Variants in CSMD1 observed in about 807,000 individuals in gnomAD.
The protein encoded by CSMD1 is CUB and Sushi multiple domains 1, also known as CUB and sushi domain-containing protein 1.
Under a neutral mutation model 417.5 loss-of-function variants are expected in CSMD1, and 213 were observed. The observed-to-expected ratio is 0.51, with a 90% CI of 0.46 to 0.57. The LOEUF (loss-of-function observed/expected upper bound fraction) is 0.57. Ranked by LOEUF, CSMD1 falls within the 20% of genes least tolerant of loss-of-function variation. The pLI is 0.00. For missense variants in CSMD1, 6,923 were observed against 4,529.7 expected, an observed-to-expected ratio of 1.53 and a Z score of -15.17; for synonymous variants, 2,862 against 1,736.8, an observed-to-expected ratio of 1.65 and a Z score of -16.11.
intron 3 of CSMD1, among the ~76,000 whole-genome samples, chr8:4,298,559 C>A (rs1044151399): frequency 3.3e-5 from 5 of 152,020 alleles, no homozygotes; most frequent in African/African-American, 9.7e-5. Flanking sequence ...TGTACTTGTA[C>A]CCAATGAATT....
rs913199737 is a variant in CSMD1 at position 3,738,470 on chromosome 8, G to A, written c.931+15460C>T. Among the ~76,000 whole-genome samples the A allele has an allele frequency of 1.4e-4, 22 of 152,176 alleles. 1 individual carries two copies. The highest frequency in any genetic ancestry group is 2.1e-4 in the South Asian group (1 of 4,826). Reference sequence around the variant, plus strand: ...AAATGACTTGAAGCTCATATGTGCAGTGAATACATAATTTAAGTTAGAGTT... The same window carrying A: ...AAATGACTTGAAGCTCATATGTGCAATGAATACATAATTTAAGTTAGAGTT... On this transcript the variant is annotated intron_variant, in intron 6 of 69. Transcript: ENST00000635120.
At chr8:4,479,150 T>A (rs1015530984) in intron 2 of CSMD1, among the ~76,000 whole-genome samples, 1 of 152,206 alleles carries the variant, frequency 6.6e-6, no homozygotes, top group African/African-American at 2.4e-5. Context: ...AAGGTTAATT[T>A]ATAAATAAAT....
intron 3 of CSMD1, among the ~76,000 whole-genome samples, chr8:4,096,934 C>CA (rs1801043678): frequency 6.6e-6 from 1 of 152,130 alleles, no homozygotes; most frequent in Admixed American, 6.5e-5. Context: ...GCAAACACCC[C>CA]AAAAACAAAC....
intron 3 of CSMD1, among the ~76,000 whole-genome samples, chr8:4,069,662 T>A (rs1034178930): frequency 6.6e-6 from 1 of 152,170 alleles, no homozygotes; most frequent in Non-Finnish European, 1.5e-5. Context: ...CCATGGCTCC[T>A]GTTTCTCCGA....
At chr8:3,930,239 C>G (rs1327656704) in intron 5 of CSMD1, among the ~76,000 whole-genome samples, 4 of 150,330 alleles carry the variant, frequency 2.7e-5, no homozygotes, top group Non-Finnish European at 4.4e-5. Flanking sequence ...GGTCCTTCTT[C>G]AAAGACTTTC....
intron 51 of CSMD1, among the ~76,000 whole-genome samples, chr8:3,028,164 T>A (rs1055729869): frequency 6.6e-6 from 1 of 152,178 alleles, no homozygotes; most frequent in Non-Finnish European, 1.5e-5. Flanking sequence ...GTTTTTAAGA[T>A]CCTATTTCTG....
chr8:4,224,114 A>G (rs1801204542), intron 3 of CSMD1, among the ~76,000 whole-genome samples: 1 of 152,146 alleles, frequency 6.6e-6, no homozygotes, highest in Non-Finnish European at 1.5e-5. Context: ...GCTAAGAGTA[A>G]CTGAACATAC....
At chr8:3,342,756 G>A (rs776498363) in intron 23 of CSMD1, among the ~76,000 whole-genome samples, 7 of 152,070 alleles carry the variant, frequency 4.6e-5, no homozygotes, top group Admixed American at 6.6e-5. Flanking sequence ...TGTTATCTCT[G>A]GCAAGTATTC....
intron 1 of CSMD1, among the ~76,000 whole-genome samples, chr8:4,886,340 T>A (rs551773268): frequency 6.6e-6 from 1 of 152,064 alleles, no homozygotes; most frequent in South Asian, 2.1e-4. Flanking sequence ...TATATTTTTT[T>A]ATTTTATGTA....
intron 3 of CSMD1, among the ~76,000 whole-genome samples, chr8:4,073,874 C>A (rs550483115): frequency 1.3e-5 from 2 of 152,154 alleles, no homozygotes; most frequent in East Asian, 1.9e-4. Flanking sequence ...GTAATATAGT[C>A]AATAACTAGT....
chr8:4,088,581 A>C (rs1381549860), intron 3 of CSMD1, among the ~76,000 whole-genome samples: 2 of 152,074 alleles, frequency 1.3e-5, no homozygotes, highest in Admixed American at 1.3e-4. Flanking sequence ...TCCTGAGACT[A>C]TACCTCCCAC....
chr8:3,966,072 A>C (rs1473301007), intron 5 of CSMD1, among the ~76,000 whole-genome samples: 1 of 152,204 alleles, frequency 6.6e-6, no homozygotes, highest in Non-Finnish European at 1.5e-5. Flanking sequence ...TAAAATAACG[A>C]ATGTCCAGGA....
chr8:3,629,312 A>ATTTTC (rs149472737), intron 7 of CSMD1, among the ~76,000 whole-genome samples: 6 of 145,944 alleles, frequency 4.1e-5, no homozygotes, highest in African/African-American at 1.5e-4. Flanking sequence ...ACTTAATATT[A>ATTTTC]TTTTCTTTCA....
chr8:3,388,873 TACATACACACCACACACATGCATACACAC>T (rs1006314267), intron 17 of CSMD1, among the ~76,000 whole-genome samples: 3 of 149,808 alleles, frequency 2.0e-5, no homozygotes, highest in Non-Finnish European at 3.0e-5. Flanking sequence ...TCCCTCTCTC[TACATACACACCACACACATGCATACACAC>T]ACACACACAC....
chr8:3,275,844 TA>T (rs1802246995), intron 26 of CSMD1, among the ~76,000 whole-genome samples: 1 of 151,564 alleles, frequency 6.6e-6, no homozygotes, highest in East Asian at 1.9e-4. Context: ...ACTTTTTTCA[TA>T]GTTTTCAACT....
intron 18 of CSMD1, among the ~76,000 whole-genome samples, chr8:3,380,020 C>G (rs1266226154): frequency 6.6e-6 from 1 of 152,270 alleles, no homozygotes; most frequent in Middle Eastern, 3.4e-3. Context: ...TACCCAGAAT[C>G]TACAAAGAAC....
intron 6 of CSMD1, among the ~76,000 whole-genome samples, chr8:3,734,020 G>A (rs1207917842): frequency 1.3e-5 from 2 of 151,678 alleles, no homozygotes; most frequent in East Asian, 1.9e-4. Context: ...GTGTGTATAT[G>A]GCAGTGAATA....
intron 2 of CSMD1, among the ~76,000 whole-genome samples, chr8:4,520,654 G>A (rs1803395769): frequency 6.6e-6 from 1 of 152,176 alleles, no homozygotes; most frequent in Non-Finnish European, 1.5e-5. Context: ...TACTAGCAAT[G>A]ATACGCCATG....
At chr8:3,050,124 G>T (rs963821337) in intron 50 of CSMD1, among the ~76,000 whole-genome samples, 26 of 145,922 alleles carry the variant, frequency 1.8e-4, no homozygotes, top group Middle Eastern at 3.6e-3. Flanking sequence ...AAAAAAAACT[G>T]ATGATTGGTC....
Sources: gnomAD v4.1 joint callset for allele counts (sites outside exome capture counted in the v4.1 genomes callset) on GRCh38, gnomAD v4.1.1 for gene constraint, MANE v1.5 for transcripts, NCBI Gene and HGNC (gene_info 2026-07-23, HGNC 2026-07-21) for gene names.